Variants in SPHKAP observed in about 807,000 individuals in gnomAD.
SPHKAP encodes the protein A-kinase anchor protein SPHKAP.
A neutral mutation model predicts 137.5 loss-of-function variants in SPHKAP; 67 were observed. That is an observed-to-expected ratio of 0.49 (90% confidence interval 0.40 to 0.60). SPHKAP has a LOEUF of 0.60. Ranked by LOEUF, SPHKAP falls within the 20% of genes least tolerant of loss-of-function variation. SPHKAP has a pLI of 0.00. For missense variants in SPHKAP, 2,097 were observed against 2,069.3 expected (o/e 1.01, Z -0.26); for synonymous variants, 813 against 785.3 (o/e 1.04, Z -0.59).
intron 1 of SPHKAP, among the ~76,000 whole-genome samples, chr2:228,165,732 T>C (rs941705046): frequency 1.3e-5 from 2 of 152,240 alleles, no homozygotes; most frequent in Non-Finnish European, 2.9e-5. Flanking sequence ...GTTAAGCCAG[T>C]CTCTGCAATT....
At chr2:228,071,586 A>G (rs1697006723) in intron 3 of SPHKAP, among the ~76,000 whole-genome samples, 1 of 152,020 alleles carries the variant, frequency 6.6e-6, no homozygotes, top group South Asian at 2.1e-4. Context: ...TAAAAGTTGC[A>G]TTTTCAATAC....
chr2:228,086,257 T>C (rs1045923535), intron 3 of SPHKAP, among the ~76,000 whole-genome samples: 6 of 152,006 alleles, frequency 3.9e-5, no homozygotes, highest in African/African-American at 1.5e-4. Context: ...TTCAAGAAAA[T>C]CTACTAAAAC....
chr2:228,174,201 T>A (rs1320516803), intron 1 of SPHKAP, among the ~76,000 whole-genome samples: 1 of 152,232 alleles, frequency 6.6e-6, no homozygotes, highest in Non-Finnish European at 1.5e-5. Context: ...TTGTAGCTGC[T>A]TTTAATTCAG....
intron 3 of SPHKAP, among the ~76,000 whole-genome samples, chr2:228,068,841 TCC>T: frequency 6.6e-6 from 1 of 152,340 alleles, no homozygotes; most frequent in Middle Eastern, 3.4e-3. Context: ...GCAGCTCATC[TCC>T]TGAAATATTT....
At chr2:228,020,600 G>A (rs927450449) in intron 6 of SPHKAP, among the ~76,000 whole-genome samples, 3 of 152,066 alleles carry the variant, frequency 2.0e-5, no homozygotes, top group African/African-American at 7.2e-5. Flanking sequence ...CTAGCATTAG[G>A]AGATATACCT....
intron 1 of SPHKAP, among the ~76,000 whole-genome samples, chr2:228,142,364 C>T (rs560865293): frequency 5.3e-5 from 8 of 151,724 alleles, no homozygotes; most frequent in South Asian, 4.2e-4. Flanking sequence ...TGTTACTGGA[C>T]GGGAGGCTAA....
At chr2:228,091,624 T>C (rs1201825360) in intron 3 of SPHKAP, among the ~76,000 whole-genome samples, 1 of 151,828 alleles carries the variant, frequency 6.6e-6, no homozygotes, top group Admixed American at 6.6e-5. Flanking sequence ...AATAGACAAT[T>C]CTGAAAAGAA....
chr2:228,038,125 C>T (rs1482295288), intron 3 of SPHKAP, among the ~76,000 whole-genome samples: 1 of 152,144 alleles, frequency 6.6e-6, no homozygotes, highest in African/African-American at 2.4e-5. Context: ...AGAAGACAAA[C>T]AATACAAGGC....
chr2:228,109,036 T>A, intron 2 of SPHKAP, 97 bp from the exon 3 acceptor site: 1 of 813,782 alleles, frequency 1.2e-6, no homozygotes, highest in East Asian at 3.0e-5. Flanking sequence ...AAAAAACCTG[T>A]AGGTGTTTTC....
At chr2:228,035,317 C>A (rs1472880339) in intron 3 of SPHKAP, among the ~76,000 whole-genome samples, 1 of 151,786 alleles carries the variant, frequency 6.6e-6, no homozygotes, top group Non-Finnish European at 1.5e-5. Context: ...AGGAATCCAA[C>A]TTACAAGGGA....
At chr2:228,036,515 C>T (rs1265637283) in intron 3 of SPHKAP, among the ~76,000 whole-genome samples, 1 of 152,188 alleles carries the variant, frequency 6.6e-6, no homozygotes, top group African/African-American at 2.4e-5. Flanking sequence ...CCATTTGACT[C>T]AGCCATCCCA....
At chr2:228,077,705 G>A (rs1005127154) in intron 3 of SPHKAP, among the ~76,000 whole-genome samples, 4 of 152,310 alleles carry the variant, frequency 2.6e-5, no homozygotes, top group African/African-American at 9.6e-5. Flanking sequence ...TGAGACTTTG[G>A]ACTGTGGACT....
chr2:228,095,128 A>G (rs13014897), intron 3 of SPHKAP, among the ~76,000 whole-genome samples: 3 of 152,172 alleles, frequency 2.0e-5, no homozygotes, highest in Non-Finnish European at 4.4e-5. Flanking sequence ...AAAACTGTCA[A>G]TAGAAATGGG....
Position 228,028,013 on chromosome 2 carries a change from A to G in SPHKAP, c.247-470T>C, listed in dbSNP as rs1297696339. Reference sequence around the variant, plus strand: ...AAAAGAAATAGTAATTTCACTTTTGAGCCTCCAAATAGCTCTCCAACACCC... The same window carrying G: ...AAAAGAAATAGTAATTTCACTTTTGGGCCTCCAAATAGCTCTCCAACACCC... On this transcript the variant is annotated intron_variant, in intron 3 of 11. Coordinates refer to ENST00000392056, the MANE Select transcript of SPHKAP (RefSeq NM_001142644.2). The G allele has an allele frequency of 1.1e-5, 11 of 984,254 alleles. No homozygotes were observed. The Admixed American group carries it at 2.5e-4, about 22-fold the overall frequency. 61.0% of individuals were successfully genotyped at this position (984,254 alleles called of 1,614,324 possible).
At chr2:228,026,802 A>G (rs1298234196) in intron 4 of SPHKAP, among the ~76,000 whole-genome samples, 1 of 152,224 alleles carries the variant, frequency 6.6e-6, no homozygotes. Flanking sequence ...TCAATATGGG[A>G]ATAACTGTCA....
intron 8 of SPHKAP, 79 bp from the exon 9 acceptor site, chr2:227,993,699 A>G: frequency 7.9e-7 from 1 of 1,271,208 alleles, no homozygotes; most frequent in Non-Finnish European, 1.1e-6. Flanking sequence ...CCATTGTTGT[A>G]CAAGCTCCTT....
intron 7 of SPHKAP, among the ~76,000 whole-genome samples, chr2:228,007,639 A>C (rs923737354): frequency 4.6e-5 from 7 of 152,194 alleles, no homozygotes; most frequent in African/African-American, 1.7e-4. Flanking sequence ...CACAAATGAC[A>C]GAATTTCCTG....
chr2:227,993,652 C>G (rs746982869), intron 8 of SPHKAP, 32 bp from the exon 9 acceptor site: 2 of 1,522,934 alleles, frequency 1.3e-6, no homozygotes, highest in South Asian at 2.4e-5. Flanking sequence ...TATTAATGCC[C>G]GTCTCCACCC....
At chr2:228,144,868 T>C (rs1311419708) in intron 1 of SPHKAP, among the ~76,000 whole-genome samples, 2 of 152,150 alleles carry the variant, frequency 1.3e-5, no homozygotes, top group African/African-American at 4.8e-5. Context: ...CTGATGTGAT[T>C]GGAAAAAGTG....
Sources: gnomAD v4.1 joint callset for allele counts (sites outside exome capture counted in the v4.1 genomes callset) on GRCh38, gnomAD v4.1.1 for gene constraint, MANE v1.5 for transcripts, NCBI Gene and HGNC (gene_info 2026-07-23, HGNC 2026-07-21) for gene names.